The following KIF13B variants were observed in gnomAD, a reference collection of about 807,000 sequenced individuals.
KIF13B encodes kinesin family member 13B, also known as kinesin-like protein KIF13B.
Under a neutral mutation model 222.0 loss-of-function variants are expected in KIF13B, and 127 were observed. The ratio of observed to expected loss-of-function variants is 0.57; its 90% CI spans 0.50 to 0.66. The LOEUF is 0.66. KIF13B is among the 30% of genes least tolerant of loss of function. KIF13B has a pLI of 0.00. For missense variants in KIF13B, 2,173 were observed against 2,379.0 expected (o/e 0.91, Z 1.80); for synonymous variants, 976 against 919.0 (o/e 1.06, Z -1.12).
chr8:29,131,437 T>C (rs1341950647), intron 23 of KIF13B, among the ~76,000 whole-genome samples: 1 of 152,148 alleles, frequency 6.6e-6, no homozygotes, highest in East Asian at 1.9e-4. Flanking sequence ...AGTATTTTTC[T>C]CAGGTCAGTA....
intron 1 of KIF13B, among the ~76,000 whole-genome samples, chr8:29,260,925 G>C (rs561996443): frequency 1.3e-5 from 2 of 152,268 alleles, no homozygotes; most frequent in East Asian, 3.9e-4. Context: ...GCCTGTTTTA[G>C]TCTTTTTATA....
At chr8:29,228,542 C>G (rs1385341314) in intron 2 of KIF13B, among the ~76,000 whole-genome samples, 4 of 149,094 alleles carry the variant, frequency 2.7e-5, no homozygotes, top group African/African-American at 9.8e-5. Context: ...ACTAACAAAC[C>G]TAGCATCCTG....
Position 29,085,833 on chromosome 8 carries a change from G to A in KIF13B, c.4458+6912C>T, listed in dbSNP as rs779946359. Among the ~76,000 whole-genome samples, 154 of 61,740 alleles carry A rather than the reference G, an allele frequency of 2.5e-3. 1 individual carries two copies. Among genetic ancestry groups the A allele is most frequent in the Admixed American group, 5.3e-3 (19 of 3,586 alleles). 40.5% of individuals were successfully genotyped at this position (61,740 alleles called of 152,430 possible). A position where few individuals can be genotyped will look rare whatever the true frequency, so the allele number is the denominator to read the frequency against. On this transcript the variant is annotated intron_variant, in intron 37 of 39. Transcript: ENST00000524189. Reference sequence around the variant, plus strand: ...CCATTGCACTCCAGCCTGGGTGACAGAACAAGAGCCCGTAACAAAAAAAAA... The same window carrying A: ...CCATTGCACTCCAGCCTGGGTGACAAAACAAGAGCCCGTAACAAAAAAAAA...
At chr8:29,173,395 G>A (rs1375350463) in intron 10 of KIF13B, among the ~76,000 whole-genome samples, 3 of 151,596 alleles carry the variant, frequency 2.0e-5, no homozygotes, top group Non-Finnish European at 4.4e-5. Context: ...GCCGAGGCAG[G>A]AGGATGCTCA....
intron 37 of KIF13B, among the ~76,000 whole-genome samples, chr8:29,091,876 A>T (rs1808312932): frequency 6.6e-6 from 1 of 152,242 alleles, no homozygotes; most frequent in African/African-American, 2.4e-5. Flanking sequence ...TTATATGCTT[A>T]TATAAAGCTA....
intron 13 of KIF13B, among the ~76,000 whole-genome samples, chr8:29,160,031 TATATG>T (rs10592688): frequency 0.013 from 1,919 of 152,272 alleles, 24 homozygotes; most frequent in African/African-American, 0.029. Context: ...TAGTCCATCA[TATATG>T]ATAAGTAATT....
At chr8:29,207,107 G>A (rs112437211) in intron 2 of KIF13B, among the ~76,000 whole-genome samples, 6,117 of 152,162 alleles carry the variant, frequency 0.04, 167 homozygotes, top group Non-Finnish European at 0.062. Flanking sequence ...CTCCCTCGCA[G>A]ATGAAATTCT....
In KIF13B at chr8:29,070,288, T is replaced by A. The variant is rs11775056; in HGVS notation, c.*216A>T. The A allele has an allele frequency of 1.0e-5, 6 of 588,612 alleles. No individual in the cohort carries two copies. The highest frequency in any genetic ancestry group is 4.1e-5 in the South Asian group (2 of 49,138). The allele number at this position is 588,612 out of a possible 1,614,324, so 36.5% of individuals were successfully genotyped here. On this transcript the variant is annotated 3_prime_UTR_variant, in exon 40 of 40. Transcript: ENST00000524189. This position sits in a 1 kb window ranked among gnomAD's most constrained non-coding sequence, Gnocchi z 4.1. ...GGGCACCCAGAACCTTCCATCCACC[T>A]GAGGAGGCACAGTTGAGGCCCCCAC...
At chr8:29,259,210 C>A (rs17059861) in intron 1 of KIF13B, among the ~76,000 whole-genome samples, 2,318 of 152,002 alleles carry the variant, frequency 0.015, 44 homozygotes, top group African/African-American at 0.053. Flanking sequence ...TCATGATTAC[C>A]AAGGCACTGA....
At position 29,096,699 on chromosome 8, in the gene KIF13B, T is replaced by C. The variant is rs552656713; in HGVS notation, c.4324+2434A>G. ...TGAGGGGCCCAGAGGAACAGGTCAATGACTTACACTGTTGCATGGTTCCTG... is the reference window on the plus strand; with the variant it reads ...TGAGGGGCCCAGAGGAACAGGTCAACGACTTACACTGTTGCATGGTTCCTG... On this transcript the variant is annotated intron_variant, in intron 36 of 39. Transcript: ENST00000524189. 4.3e-4 allele frequency among the ~76,000 whole-genome samples: 66 copies of C among 152,148 alleles called. 2 individuals carry two copies. Among genetic ancestry groups the C allele is most frequent in the African/African-American group, 1.4e-3 (59 of 41,500 alleles).
At chr8:29,079,949 G>C (rs948313230) in intron 37 of KIF13B, among the ~76,000 whole-genome samples, 1 of 152,128 alleles carries the variant, frequency 6.6e-6, no homozygotes, top group Admixed American at 6.5e-5. Flanking sequence ...CTGCTGAAGC[G>C]TGAAAAACCT....
chr8:29,196,318 G>T, intron 2 of KIF13B, 119 bp from the exon 3 acceptor site: 1 of 831,124 alleles, frequency 1.2e-6, no homozygotes, highest in Non-Finnish European at 1.9e-6. Flanking sequence ...TAAATTCACA[G>T]TAAGAATATA....
intron 2 of KIF13B, among the ~76,000 whole-genome samples, chr8:29,238,377 A>T (rs1815607316): frequency 6.6e-6 from 1 of 152,198 alleles, no homozygotes; most frequent in Non-Finnish European, 1.5e-5. Context: ...CAATCTGTAC[A>T]TCCACCAGGG....
intron 4 of KIF13B, among the ~76,000 whole-genome samples, chr8:29,188,911 T>C (rs1813059319): frequency 6.6e-6 from 1 of 152,220 alleles, no homozygotes; most frequent in African/African-American, 2.4e-5. Flanking sequence ...CTGAAATTTA[T>C]ACTTGGGACC....
intron 6 of KIF13B, among the ~76,000 whole-genome samples, chr8:29,182,865 C>T (rs2130291757): frequency 6.6e-6 from 1 of 152,078 alleles, no homozygotes; most frequent in East Asian, 1.9e-4. Flanking sequence ...TGAGAGTAGA[C>T]AGACTTTAAA....
intron 8 of KIF13B, among the ~76,000 whole-genome samples, chr8:29,179,003 A>T (rs1209662462): frequency 6.6e-6 from 1 of 152,172 alleles, no homozygotes; most frequent in Non-Finnish European, 1.5e-5. Context: ...AAAACCAAAC[A>T]CTCAAAAAGT....
In KIF13B at chr8:29,070,784, G is replaced by A. The variant is rs773388594; in HGVS notation, c.5219-18C>T. Reference sequence around the variant, plus strand: ...ATTCTTACCTGCGGGGGAAGGAGAGGGTGATATGGAGGGCAGCCGAGCTGC... The same window carrying A: ...ATTCTTACCTGCGGGGGAAGGAGAGAGTGATATGGAGGGCAGCCGAGCTGC... On this transcript the variant is annotated intron_variant, in intron 39 of 39. Transcript: ENST00000524189. This position sits in a 1 kb window ranked among gnomAD's most constrained non-coding sequence, Gnocchi z 4.1. 8 of 1,583,372 alleles carry A rather than the reference G, an allele frequency of 5.1e-6. No individual in the cohort carries two copies. Among genetic ancestry groups the A allele is most frequent in the Non-Finnish European group, 6.0e-6 (7 of 1,165,594 alleles).
chr8:29,147,682 T>A, intron 16 of KIF13B, 80 bp from the exon 17 acceptor site: 1 of 1,089,110 alleles, frequency 9.2e-7, no homozygotes, highest in Non-Finnish European at 1.4e-6. Context: ...ATGGTAATGT[T>A]GTCTGTCATC....
chr8:29,073,943 A>G (rs1392163189), intron 38 of KIF13B, among the ~76,000 whole-genome samples: 2 of 152,220 alleles, frequency 1.3e-5, no homozygotes, highest in African/African-American at 4.8e-5. Flanking sequence ...AGATTAGGCA[A>G]TCCTTCAATC....
Sources: gnomAD v4.1 joint callset for allele counts (sites outside exome capture counted in the v4.1 genomes callset) on GRCh38, gnomAD v4.1.1 for gene constraint, Gnocchi (gnomAD v3.1) non-coding constraint, MANE v1.5 for transcripts, NCBI Gene and HGNC (gene_info 2026-07-23, HGNC 2026-07-21) for gene names.